SMARCA5: variants seen among roughly 807,000 people sequenced by gnomAD.
SMARCA5 encodes SWI/SNF-related matrix-associated actin-dependent regulator of chromatin subfamily A member 5.
SMARCA5 carries 18 observed loss-of-function variants against 140.4 expected under a neutral mutation model. The ratio of observed to expected loss-of-function variants is 0.13; its 90% CI spans 0.09 to 0.19. The LOEUF (loss-of-function observed/expected upper bound fraction) is 0.19. Ranked by LOEUF, SMARCA5 falls within the 10% of genes least tolerant of loss-of-function variation. The pLI is 1.00. For missense variants in SMARCA5, 606 were observed against 1,276.8 expected, an observed-to-expected ratio of 0.47 and a Z score of 8.01; for synonymous variants, 449 against 419.6, an observed-to-expected ratio of 1.07 and a Z score of -0.86.
At chr4:143,514,804 A>G (rs1316762828) in intron 1 of SMARCA5, among the ~76,000 whole-genome samples, 1 of 152,174 alleles carries the variant, frequency 6.6e-6, no homozygotes, top group Non-Finnish European at 1.5e-5. Flanking sequence ...GGAATGAATT[A>G]GAGAACCAGG....
rs772507264 is a variant in SMARCA5, at chr4:143,514,076, C to T, written c.152C>T (p.Ala51Val). ...CAGGCGGTTGCGTCTGCGGCCAGCG[C>T]TGGTCCCGCAGACGCCGAGATGGAG... is the stretch of plus-strand genomic sequence containing the variant. ...AAQAVASAASAGPADAEMEEI... is the reference protein window; with the variant it reads ...AAQAVASAASVGPADAEMEEI... Residue 51 changes from alanine to valine, a missense_variant, in exon 1 of 24, where the codon GCT (alanine) becomes GTT (valine). Physicochemically the swap from Ala to Val is moderately conservative, Grantham distance 64. This residue lies in a region of SMARCA5 where 164 missense variants were observed against 128.4 expected (regional missense o/e 1.28). Transcript: ENST00000283131. The T allele has an allele frequency of 7.7e-6, 12 of 1,557,656 alleles. No homozygotes were observed. Among genetic ancestry groups the T allele is most frequent in the Middle Eastern group, 1.7e-4 (1 of 5,954 alleles).
chr4:143,516,625 C>T (rs554268238), intron 1 of SMARCA5, among the ~76,000 whole-genome samples: 1 of 152,114 alleles, frequency 6.6e-6, no homozygotes, highest in African/African-American at 2.4e-5. Flanking sequence ...TATTCCAGTA[C>T]CGTACCAGAT....
intron 9 of SMARCA5, among the ~76,000 whole-genome samples, chr4:143,532,846 T>G (rs575020143): frequency 1.3e-5 from 2 of 152,290 alleles, no homozygotes; most frequent in South Asian, 4.1e-4. Context: ...CAGTTACATT[T>G]ATTTAGCTGG....
Position 143,545,963 on chromosome 4 carries a change from A to C in SMARCA5, c.2436A>C (p.Ala812=), listed in dbSNP as rs749412409. 85 of 1,609,518 alleles carry C rather than the reference A, an allele frequency of 5.3e-5. No individual in the cohort carries two copies. The highest frequency in any genetic ancestry group is 6.9e-5 in the Non-Finnish European group (81 of 1,177,330). The change falls in exon 19 of 24, where the codon GCA becomes GCC. Residue 812 remains alanine, a synonymous_variant. Transcript: ENST00000283131. ...CTGAGCTGCCTAATGCAGCACAGGCACAAAAAGAAGAACAGCTTAAAATTG... is the reference window on the plus strand; with the variant it reads ...CTGAGCTGCCTAATGCAGCACAGGCCCAAAAAGAAGAACAGCTTAAAATTG... The part of the protein sequence containing the change: ...RNPELPNAAQ[A]QKEEQLKIDE...
At chr4:143,550,206 C>T (rs1737615138) in intron 23 of SMARCA5, 102 bp downstream of exon 23, 3 of 584,162 alleles carry the variant, frequency 5.1e-6, no homozygotes, top group East Asian at 3.8e-5. Flanking sequence ...CCCTGTTGTG[C>T]ACCCCTCCAT....
At chr4:143,519,174 T>C (rs1736904637) in intron 2 of SMARCA5, among the ~76,000 whole-genome samples, 1 of 152,192 alleles carries the variant, frequency 6.6e-6, no homozygotes, top group African/African-American at 2.4e-5. Context: ...TTTAAAATCC[T>C]ATTCATACCT....
chr4:143,527,139 T>C (rs1344778428), intron 6 of SMARCA5, among the ~76,000 whole-genome samples: 1 of 152,216 alleles, frequency 6.6e-6, no homozygotes, highest in Non-Finnish European at 1.5e-5. Context: ...TGATTTATTA[T>C]GATATTTAAC....
At chr4:143,552,882 A>G (rs1407650211) in intron 23 of SMARCA5, among the ~76,000 whole-genome samples, 2 of 151,868 alleles carry the variant, frequency 1.3e-5, no homozygotes, top group Non-Finnish European at 2.9e-5. Flanking sequence ...TTAATTGTGC[A>G]TTAGTTTTAT....
At chr4:143,517,153 G>A (rs1736858238) in intron 1 of SMARCA5, among the ~76,000 whole-genome samples, 2 of 152,040 alleles carry the variant, frequency 1.3e-5, no homozygotes, top group South Asian at 4.1e-4. Context: ...TTATATATAT[G>A]GGTTAAATAC....
chr4:143,513,817 T>C lies in SMARCA5; in HGVS notation c.-108T>C. ...GCAGGGGAGCGCTCGGGTGGGAGTC[T>C]CGCTCCTCCACCAGTTTATTGCGAC... On this transcript the variant is annotated 5_prime_UTR_variant, in exon 1 of 24. Coordinates refer to ENST00000283131, the MANE Select transcript of SMARCA5 (RefSeq NM_003601.4). The C allele has an allele frequency of 7.7e-7, 1 of 1,303,018 alleles. No homozygotes were observed. Among genetic ancestry groups the C allele is most frequent in the Non-Finnish European group, 1.0e-6 (1 of 964,372 alleles). The allele number at this position is 1,303,018 out of a possible 1,614,324, so 80.7% of individuals were successfully genotyped here.
rs558018630 is a variant in SMARCA5, at chr4:143,549,298, G to C, written c.2986-699G>C. On this transcript the variant is annotated intron_variant, in intron 22 of 23. Transcript: ENST00000283131. ...AGTAGTATTTTAAAATTATTTTACT[G>C]TAGTTGTGTGTGTAGTAGTATCACT... is the stretch of plus-strand genomic sequence containing the variant. Among the ~76,000 whole-genome samples, 7 of 152,064 alleles carry C rather than the reference G, an allele frequency of 4.6e-5. No homozygotes were observed. In the East Asian group the frequency reaches 1.4e-3, roughly 29 times the overall value.
chr4:143,514,358 C>T (rs925705916), intron 1 of SMARCA5: 1 of 466,982 alleles, frequency 2.1e-6, no homozygotes, highest in Non-Finnish European at 3.8e-6. Flanking sequence ...TATTTGAACG[C>T]TCTCAGTGAA....
chr4:143,527,478 C>G (rs1560814653), intron 6 of SMARCA5, among the ~76,000 whole-genome samples: 1 of 152,158 alleles, frequency 6.6e-6, no homozygotes, highest in Non-Finnish European at 1.5e-5. Context: ...CATTTATAAA[C>G]CTGAAAGGAA....
chr4:143,552,281 T>C (rs1737654593), intron 23 of SMARCA5, among the ~76,000 whole-genome samples: 3 of 152,104 alleles, frequency 2.0e-5, no homozygotes, highest in Non-Finnish European at 4.4e-5. Context: ...TGAGTTCTAA[T>C]AGTTTTTTGA....
In SMARCA5 at chr4:143,543,677, A is replaced by G; in HGVS notation, c.2052+20A>G. The stretch of plus-strand genomic sequence containing the variant: ...AAGAAGGTGAGATGTAGATTAAATA[A>G]TGCTTTTAATATAGAATGTTTTAGA... On this transcript the variant is annotated intron_variant, in intron 15 of 23. Transcript: ENST00000283131. 6.3e-7 allele frequency: 1 copy of G among 1,585,040 alleles called. No individual in the cohort carries two copies. Among genetic ancestry groups the G allele is most frequent in the Non-Finnish European group, 8.6e-7 (1 of 1,156,122 alleles).
At chr4:143,535,203 G>T (rs1737278507) in intron 10 of SMARCA5, among the ~76,000 whole-genome samples, 1 of 152,122 alleles carries the variant, frequency 6.6e-6, no homozygotes, top group African/African-American at 2.4e-5. Context: ...TTAAAATTGG[G>T]ATTTAATTAA....
intron 22 of SMARCA5, 88 bp downstream of exon 22, chr4:143,548,228 C>T (rs2149825142): frequency 1.4e-6 from 1 of 737,746 alleles, no homozygotes. Context: ...TTAAAAAAAT[C>T]TATGAAGTAG....
At chr4:143,534,674 G>A (rs1378797684) in intron 9 of SMARCA5, among the ~76,000 whole-genome samples, 181 bp from the exon 10 acceptor site, 1 of 152,118 alleles carries the variant, frequency 6.6e-6, no homozygotes, top group Non-Finnish European at 1.5e-5. Context: ...GAAGGGGACA[G>A]GAACTAGTCT....
chr4:143,515,514 T>C (rs1736810331), intron 1 of SMARCA5, among the ~76,000 whole-genome samples: 1 of 152,144 alleles, frequency 6.6e-6, no homozygotes, highest in South Asian at 2.1e-4. Flanking sequence ...ACAAAAATTG[T>C]TTATAGTTTT....
Sources: gnomAD v4.1 joint callset for allele counts (sites outside exome capture counted in the v4.1 genomes callset) on GRCh38, gnomAD v4.1.1 for gene constraint, gnomAD v4.1.1 regional missense constraint, MANE v1.5 for transcripts, NCBI Gene and HGNC (gene_info 2026-07-23, HGNC 2026-07-21) for gene names.